Variants in INPP4B observed in about 807,000 individuals in gnomAD.
INPP4B encodes inositol polyphosphate 4-phosphatase type II.
In INPP4B, 55 loss-of-function variants were observed where a neutral mutation model predicts 122.5. That is an observed-to-expected ratio of 0.45 (90% confidence interval 0.36 to 0.56). The LOEUF is 0.56. INPP4B is among the 20% of genes least tolerant of loss of function. The pLI, the probability that INPP4B is intolerant of heterozygous loss-of-function variation, is 0.00. For synonymous variants in INPP4B, 403 were observed against 388.7 expected (o/e 1.04, Z -0.43); for missense variants, 1,000 against 1,097.7 (o/e 0.91, Z 1.26).
At chr4:142,409,336 T>C (rs1288493861) in intron 5 of INPP4B, among the ~76,000 whole-genome samples, 1 of 151,936 alleles carries the variant, frequency 6.6e-6, no homozygotes, top group Admixed American at 6.6e-5. Flanking sequence ...CTACTAAAAA[T>C]ACAAAAATTA....
chr4:142,726,595 A>G (rs1765376728), intron 1 of INPP4B, among the ~76,000 whole-genome samples: 1 of 152,198 alleles, frequency 6.6e-6, no homozygotes, highest in Non-Finnish European at 1.5e-5. Flanking sequence ...TTCAGATTGG[A>G]GGATACAAAA....
chr4:142,443,455 A>T (rs1408517182), intron 3 of INPP4B, among the ~76,000 whole-genome samples: 1 of 152,132 alleles, frequency 6.6e-6, no homozygotes, highest in Non-Finnish European at 1.5e-5. Flanking sequence ...GAAATTAGAA[A>T]GGGAGGAGCA....
At chr4:142,405,118 T>TGGCG in intron 6 of INPP4B, 88 bp downstream of exon 6, 3 of 531,514 alleles carry the variant, frequency 5.6e-6, no homozygotes, top group South Asian at 1.9e-5. Flanking sequence ...GGGGCGGGGG[T>TGGCG]GGGGGGGAGG....
intron 7 of INPP4B, among the ~76,000 whole-genome samples, chr4:142,321,936 G>A (rs369017236): frequency 4.9e-4 from 75 of 152,206 alleles, no homozygotes; most frequent in African/African-American, 1.6e-3. Flanking sequence ...AGAAAATAAA[G>A]CAACATAGCT....
intron 7 of INPP4B, among the ~76,000 whole-genome samples, chr4:142,323,294 T>C (rs1770825235): frequency 6.6e-6 from 1 of 152,136 alleles, no homozygotes; most frequent in Non-Finnish European, 1.5e-5. Flanking sequence ...TTGGTAAGAT[T>C]CCCAATTCAT....
At chr4:142,471,764 C>T (rs903242716) in intron 2 of INPP4B, among the ~76,000 whole-genome samples, 2 of 136,160 alleles carry the variant, frequency 1.5e-5, no homozygotes, top group South Asian at 2.4e-4. Context: ...CCTGAGCACC[C>T]GCAATCCAAG....
chr4:142,412,096 C>T (rs1804721923), intron 5 of INPP4B, among the ~76,000 whole-genome samples: 1 of 152,056 alleles, frequency 6.6e-6, no homozygotes, highest in African/African-American at 2.4e-5. Context: ...CCTCTTTGTA[C>T]TTCAGAAAAT....
intron 9 of INPP4B, among the ~76,000 whole-genome samples, chr4:142,281,922 C>G (rs1004407162): frequency 6.6e-6 from 1 of 151,914 alleles, no homozygotes; most frequent in African/African-American, 2.4e-5. Context: ...AAATTAAGGT[C>G]AAAATTACAG....
In INPP4B at chr4:142,028,548, T is replaced by C. The variant is rs142574264; in HGVS notation, c.*234A>G. ...ATCTCAATCAGCTAGGCTCAACACA[T>C]AGAAGCTTAGAACTAGAAATGACAG... is the stretch of plus-strand genomic sequence containing the variant. On this transcript the variant is annotated 3_prime_UTR_variant, in exon 26 of 26. Transcript: ENST00000262992. 20 of 489,576 alleles carry C rather than the reference T, an allele frequency of 4.1e-5. No homozygotes were observed. The highest frequency in any genetic ancestry group is 3.7e-4 in the African/African-American group (19 of 51,656). 30.3% of individuals were successfully genotyped at this position (489,576 alleles called of 1,614,324 possible).
intron 5 of INPP4B, among the ~76,000 whole-genome samples, chr4:142,413,580 T>C (rs1497386): frequency 0.73 from 111,260 of 152,036 alleles, 41,234 homozygotes; most frequent in East Asian, 0.88. Flanking sequence ...GAAGGTGAGG[T>C]GTGGCAGGAA....
chr4:142,555,361 T>C (rs1300190927), intron 2 of INPP4B, among the ~76,000 whole-genome samples: 2 of 152,150 alleles, frequency 1.3e-5, no homozygotes, highest in African/African-American at 2.4e-5. Context: ...TAAGCATATT[T>C]ATTTGTAAGG....
intron 2 of INPP4B, among the ~76,000 whole-genome samples, chr4:142,621,793 G>T (rs1365551260): frequency 1.3e-5 from 2 of 151,068 alleles, no homozygotes; most frequent in Admixed American, 6.6e-5. Flanking sequence ...AAAATATTAT[G>T]TAATAAAATA....
At chr4:142,059,724 T>A (rs889579016) in intron 25 of INPP4B, among the ~76,000 whole-genome samples, 2 of 152,156 alleles carry the variant, frequency 1.3e-5, no homozygotes, top group Non-Finnish European at 2.9e-5. Context: ...TCAGCCTACA[T>A]AGGCTCTAAA....
At chr4:142,306,393 C>T (rs1430806805) in intron 8 of INPP4B, among the ~76,000 whole-genome samples, 1 of 151,954 alleles carries the variant, frequency 6.6e-6, no homozygotes, top group Non-Finnish European at 1.5e-5. Context: ...AATATCAAAC[C>T]CATGTTATTT....
chr4:142,117,379 A>G (rs6853904), intron 21 of INPP4B, among the ~76,000 whole-genome samples: 20,139 of 152,160 alleles, frequency 0.13, 1,500 homozygotes, highest in East Asian at 0.23. Context: ...TTTTAGACCA[A>G]TATCTCTGAT....
At chr4:142,715,967 C>T (rs139834088) in intron 2 of INPP4B, among the ~76,000 whole-genome samples, 100 of 152,284 alleles carry the variant, frequency 6.6e-4, no homozygotes, top group Non-Finnish European at 1.3e-3. Context: ...AATGGTTACT[C>T]CATTAGGCCT....
At chr4:142,378,751 A>G (rs966920431) in intron 7 of INPP4B, among the ~76,000 whole-genome samples, 1 of 152,174 alleles carries the variant, frequency 6.6e-6, no homozygotes, top group Non-Finnish European at 1.5e-5. Flanking sequence ...TATACATACA[A>G]TTTTGTGAAT....
At chr4:142,805,492 G>C (rs1778567335) in intron 1 of INPP4B, among the ~76,000 whole-genome samples, 1 of 152,114 alleles carries the variant, frequency 6.6e-6, no homozygotes, top group Non-Finnish European at 1.5e-5. Context: ...ATTACAGTTG[G>C]CCCTTGAGCA....
intron 2 of INPP4B, among the ~76,000 whole-genome samples, chr4:142,494,808 C>T (rs1822320558): frequency 6.6e-6 from 1 of 152,104 alleles, no homozygotes; most frequent in African/African-American, 2.4e-5. Flanking sequence ...CACCTCCGTC[C>T]CAAATTCAGT....
Sources: gnomAD v4.1 joint callset for allele counts (sites outside exome capture counted in the v4.1 genomes callset) on GRCh38, gnomAD v4.1.1 for gene constraint, MANE v1.5 for transcripts, NCBI Gene and HGNC (gene_info 2026-07-23, HGNC 2026-07-21) for gene names.